TSPEAR: variants seen among roughly 807,000 people sequenced by gnomAD.
The protein encoded by TSPEAR is thrombospondin type laminin G domain and EAR repeats.
A neutral mutation model predicts 71.6 loss-of-function variants in TSPEAR; 69 were observed. The observed-to-expected ratio is 0.96, with a 90% confidence interval of 0.79 to 1.18. The LOEUF (loss-of-function observed/expected upper bound fraction) is 1.18, where lower values mean the gene tolerates loss of function less well. TSPEAR is among the 50% of genes most tolerant of loss of function. The probability of loss-of-function intolerance (pLI) is 0.00; values close to 1 mark genes in which losing one functional copy is unlikely to be tolerated. For synonymous variants in TSPEAR, 402 were observed against 387.2 expected, an observed-to-expected ratio of 1.04 and a Z score of -0.45; for missense variants, 971 against 894.9, an observed-to-expected ratio of 1.09 and a Z score of -1.09.
At chr21:44,684,840 C>T (rs138098013) in intron 1 of TSPEAR, among the ~76,000 whole-genome samples, 1 of 152,360 alleles carries the variant, frequency 6.6e-6, no homozygotes, top group East Asian at 1.9e-4. Flanking sequence ...ACTTGTAAGA[C>T]AGCTAACCTT....
intron 1 of TSPEAR, chr21:44,697,065 A>C (rs1302561286): frequency 7.8e-7 from 1 of 1,282,142 alleles, no homozygotes; most frequent in African/African-American, 1.6e-5. Flanking sequence ...CAGCACCCAG[A>C]CGCTCACTCA....
At chr21:44,573,858 G>A (rs782450087) in intron 1 of TSPEAR, 13 of 1,613,922 alleles carry the variant, frequency 8.1e-6, no homozygotes, top group South Asian at 6.6e-5. Context: ...CGACTGCCCA[G>A]AGAGCTGCTG....
chr21:44,558,410 A>AGTCTTGCAGCAGACG, intron 2 of TSPEAR: 1 of 1,613,358 alleles, frequency 6.2e-7, no homozygotes, highest in Non-Finnish European at 8.5e-7. Flanking sequence ...TGCAGCAGAC[A>AGTCTTGCAGCAGACG]GGCACGCAGC....
rs1396513105 is a variant in TSPEAR at position 44,549,357 on chromosome 21, C to T, written c.304-15434G>A. Among the ~76,000 whole-genome samples the T allele has an allele frequency of 2.0e-5, 3 of 152,318 alleles. No homozygotes were observed. In the East Asian group the frequency reaches 5.8e-4, roughly 29 times the overall value. ...TTTGAAGAGAAACCTTGCCATATCTCACAAGAGGTATCGTTTGTAATAATG... is the reference window on the plus strand; with the variant it reads ...TTTGAAGAGAAACCTTGCCATATCTTACAAGAGGTATCGTTTGTAATAATG... On this transcript the variant is annotated intron_variant, in intron 2 of 11. Coordinates refer to ENST00000323084, the MANE Select transcript of TSPEAR (RefSeq NM_144991.3).
chr21:44,575,186 G>C (rs114829255), intron 1 of TSPEAR: 3 of 746,028 alleles, frequency 4.0e-6, no homozygotes, highest in Non-Finnish European at 6.5e-6. Flanking sequence ...GCCCTCTTGC[G>C]GGGGGAGGGG....
rs782008612 is a variant in TSPEAR, at chr21:44,522,084, G to C, written c.1365C>G (p.Ile455Met). ...EGDNHNIDSV[I>M]YKWNPATRLF... ...GCCGGGTTGCCGGGTTCCACTTGTAGATGACACTGTCGATGTTGTGGTTGT... is the reference window on the plus strand; with the variant it reads ...GCCGGGTTGCCGGGTTCCACTTGTACATGACACTGTCGATGTTGTGGTTGT... The change falls in exon 9 of 12, where the codon ATC (isoleucine) becomes ATG (methionine). Residue 455 changes from isoleucine (I) to methionine (M), a missense_variant. Transcript: ENST00000323084. 36 of 1,613,984 alleles carry C rather than the reference G, an allele frequency of 2.2e-5. No individual in the cohort carries two copies. The highest frequency in any genetic ancestry group is 3.0e-5 in the Non-Finnish European group (35 of 1,180,016).
intron 2 of TSPEAR, among the ~76,000 whole-genome samples, chr21:44,549,825 A>C (rs1211774703): frequency 6.6e-6 from 1 of 152,172 alleles, no homozygotes; most frequent in East Asian, 1.9e-4. Flanking sequence ...CCAGCCCAGC[A>C]CACGGAGCTC....
intron 1 of TSPEAR, among the ~76,000 whole-genome samples, chr21:44,683,024 C>G (rs1986684395): frequency 6.6e-6 from 1 of 152,074 alleles, no homozygotes; most frequent in South Asian, 2.1e-4. Flanking sequence ...AGTGAAGCCC[C>G]CCTCCAGTCC....
intron 1 of TSPEAR, chr21:44,637,255 C>A: frequency 1.0e-5 from 10 of 988,578 alleles, no homozygotes; most frequent in Non-Finnish European, 1.5e-5. Context: ...CTCCCGGCTC[C>A]AAACACCAAC....
intron 1 of TSPEAR, chr21:44,654,612 CATG>C: frequency 1.9e-6 from 3 of 1,554,346 alleles, no homozygotes; most frequent in Non-Finnish European, 2.6e-6. Context: ...TGGTGTGGCA[CATG>C]ATGGAGTGTG....
At chr21:44,533,555 C>T (rs2053019077) in intron 3 of TSPEAR, 130 bp downstream of exon 3, 1 of 781,446 alleles carries the variant, frequency 1.3e-6, no homozygotes, top group African/African-American at 1.7e-5. Flanking sequence ...CACCCCATGG[C>T]TCCTGACCCT....
At chr21:44,671,473 G>A (rs1986052039) in intron 1 of TSPEAR, among the ~76,000 whole-genome samples, 1 of 152,200 alleles carries the variant, frequency 6.6e-6, no homozygotes, top group Non-Finnish European at 1.5e-5. Flanking sequence ...GCCCACTGCT[G>A]CCACCACTGG....
intron 1 of TSPEAR, among the ~76,000 whole-genome samples, chr21:44,603,660 G>A (rs371671665): frequency 2.3e-4 from 35 of 152,294 alleles, no homozygotes; most frequent in Middle Eastern, 3.4e-3. Flanking sequence ...GAGGAAGGGC[G>A]TGCCAGGGTG....
At chr21:44,665,376 C>T (rs1317994710) in intron 1 of TSPEAR, among the ~76,000 whole-genome samples, 10 of 152,300 alleles carry the variant, frequency 6.6e-5, no homozygotes, top group East Asian at 1.9e-4. Context: ...TACTGGGGAA[C>T]GTTTAACCTG....
rs375852477 is a variant in TSPEAR at position 44,666,655 on chromosome 21, C to T, written c.82+44778G>A. 54 of 1,612,882 alleles carry T rather than the reference C, an allele frequency of 3.3e-5. No individual in the cohort carries two copies. The African/African-American group carries it at 4.3e-4, about 13-fold the overall frequency. ...ACACACACAGAAGACTGGCAGCTCA[C>T]GGGCACGCACACAGCTGACTTGAAG... On this transcript the variant is annotated intron_variant, in intron 1 of 11. Coordinates refer to ENST00000323084, the MANE Select transcript of TSPEAR (RefSeq NM_144991.3).
chr21:44,680,073 C>A (rs8132905), intron 1 of TSPEAR, among the ~76,000 whole-genome samples: 1 of 151,982 alleles, frequency 6.6e-6, no homozygotes, highest in Non-Finnish European at 1.5e-5. Flanking sequence ...GCACAGCAAA[C>A]GGAACAATCA....
chr21:44,547,810 A>G lies in TSPEAR; in HGVS notation c.304-13887T>C, dbSNP rs187358575. ...ATCTTCACTTCCTGCTTGCACCTTT[A>G]CTTCCTGCTTGCACCTTCCCTTCCT... On this transcript the variant is annotated intron_variant, in intron 2 of 11. Transcript: ENST00000323084. Among the ~76,000 whole-genome samples, 5 of 150,076 alleles carry G rather than the reference A, an allele frequency of 3.3e-5. No homozygotes were observed. In the East Asian group the frequency reaches 9.7e-4, roughly 29 times the overall value.
At chr21:44,521,859 C>G (rs587662546) in intron 9 of TSPEAR, 24 bp downstream of exon 9, 1 of 1,604,796 alleles carries the variant, frequency 6.2e-7, no homozygotes, top group Admixed American at 1.7e-5. Context: ...AATGGAGAGC[C>G]GGGGCTCATG....
intron 1 of TSPEAR, among the ~76,000 whole-genome samples, chr21:44,705,695 G>A (rs1555952219): frequency 6.7e-6 from 1 of 149,386 alleles, no homozygotes; most frequent in East Asian, 1.9e-4. Flanking sequence ...TGGTCAGACC[G>A]GTTGATCTCA....
Sources: gnomAD v4.1 joint callset for allele counts (sites outside exome capture counted in the v4.1 genomes callset) on GRCh38, gnomAD v4.1.1 for gene constraint, MANE v1.5 for transcripts, NCBI Gene and HGNC (gene_info 2026-07-23, HGNC 2026-07-21) for gene names.